The following ESRP1 variants were observed in gnomAD, a reference collection of about 807,000 sequenced individuals.
The protein encoded by ESRP1 is RNA-binding motif protein 35A.
Under a neutral mutation model 81.7 loss-of-function variants are expected in ESRP1, and 33 were observed. The observed-to-expected ratio is 0.40, with a 90% CI of 0.31 to 0.54. ESRP1 has a LOEUF of 0.54. ESRP1 is among the 20% of genes least tolerant of loss of function. ESRP1 has a pLI of 0.41. For synonymous variants in ESRP1, 320 were observed against 303.3 expected (o/e 1.06, Z -0.57); for missense variants, 672 against 833.1 (o/e 0.81, Z 2.38).
At chr8:94,656,897 A>C (rs989131672) in intron 4 of ESRP1, among the ~76,000 whole-genome samples, 1 of 152,248 alleles carries the variant, frequency 6.6e-6, no homozygotes, top group East Asian at 1.9e-4. Flanking sequence ...CTGAAACCAG[A>C]TGTGACCATT....
chr8:94,661,086 G>C (rs1392523531), intron 4 of ESRP1, among the ~76,000 whole-genome samples: 1 of 152,166 alleles, frequency 6.6e-6, no homozygotes, highest in Admixed American at 6.5e-5. Flanking sequence ...TCTCGCCCAG[G>C]CTGGAGTGCA....
chr8:94,699,344 T>TA (rs1809725410), intron 15 of ESRP1, among the ~76,000 whole-genome samples: 1 of 152,148 alleles, frequency 6.6e-6, no homozygotes, highest in Non-Finnish European at 1.5e-5. Context: ...TGCAAATTTT[T>TA]AAAAATACAG....
chr8:94,665,050 G>T lies in ESRP1; in HGVS notation c.879G>T (p.Arg293=). 1 of 1,613,736 alleles carries T rather than the reference G, an allele frequency of 6.2e-7. No homozygotes were observed. Among genetic ancestry groups the T allele is most frequent in the Non-Finnish European group, 8.5e-7 (1 of 1,179,846 alleles). Residue 293 remains arginine (R), a synonymous_variant, in exon 8 of 16, where the codon CGG becomes CGT. Coordinates refer to ENST00000433389, the MANE Select transcript of ESRP1 (RefSeq NM_017697.4). The stretch of plus-strand genomic sequence containing the variant: ...GGCACAAACATCACATGGGGACCCG[G>T]TATATTGAGGTATGTCCTCAAAACC... ...LQRHKHHMGT[R]YIEVYKATGE...
rs1249380191 is a variant in ESRP1 at position 94,692,733 on chromosome 8, G to T, written c.1877G>T (p.Gly626Val). The T allele has an allele frequency of 4.3e-6, 7 of 1,613,776 alleles. No homozygotes were observed. Among genetic ancestry groups the T allele is most frequent in the African/African-American group, 2.7e-5 (2 of 74,910 alleles). ...GYFPTAANLSGVPPQPGTVVR... is the reference protein window; with the variant it reads ...GYFPTAANLSVVPPQPGTVVR... ...TTCCCTACAGCTGCTAATCTTAGCG[G>T]TGTCCCTCCACAGCCTGGCACGGTG... is the stretch of plus-strand genomic sequence containing the variant. Residue 626 changes from glycine (G) to valine (V), a missense_variant, in exon 14 of 16, where the codon GGT (glycine) becomes GTT (valine). By Grantham distance (109) the Gly-to-Val change is moderately radical (BLOSUM62 -3). Coordinates refer to ENST00000433389, the MANE Select transcript of ESRP1 (RefSeq NM_017697.4).
intron 13 of ESRP1, among the ~76,000 whole-genome samples, chr8:94,682,319 C>T (rs553102798): frequency 5.9e-5 from 9 of 152,170 alleles, no homozygotes; most frequent in Non-Finnish European, 1.3e-4. Flanking sequence ...ACCTTCTATG[C>T]ATCTCTTGCT....
At chr8:94,705,618 C>A in intron 15 of ESRP1, 1 of 252,944 alleles carries the variant, frequency 4.0e-6, no homozygotes, top group East Asian at 7.3e-5. Flanking sequence ...CAGAAAGGAG[C>A]TGAGCTGAGC....
At chr8:94,660,529 A>G (rs1053757530) in intron 4 of ESRP1, among the ~76,000 whole-genome samples, 1 of 152,014 alleles carries the variant, frequency 6.6e-6, no homozygotes, top group African/African-American at 2.4e-5. Flanking sequence ...AGCTGAGGTC[A>G]GGAGTTCGAG....
chr8:94,682,928 A>ATTTTTTTTTTTTTTTTTTTTTTTTT (rs1238740355), intron 13 of ESRP1, among the ~76,000 whole-genome samples: 1 of 31,572 alleles, frequency 3.2e-5, no homozygotes, highest in African/African-American at 2.2e-4. Context: ...ATATATATAT[A>ATTTTTTTTTTTTTTTTTTTTTTTTT]TATATTTTTT....
At position 94,641,216 on chromosome 8, in the gene ESRP1, T is replaced by C; in HGVS notation, c.-103T>C. On this transcript the variant is annotated 5_prime_UTR_variant, in exon 1 of 16. Coordinates refer to ENST00000433389, the MANE Select transcript of ESRP1 (RefSeq NM_017697.4). Reference sequence around the variant, plus strand: ...GCAAGGAAGGGGGGTGGGCGCTCTTTCTTTTTCTCTTAGAAGAGGGTTTAG... The same window carrying C: ...GCAAGGAAGGGGGGTGGGCGCTCTTCCTTTTTCTCTTAGAAGAGGGTTTAG... The C allele has an allele frequency of 8.5e-7, 1 of 1,179,910 alleles. No individual in the cohort carries two copies. The allele number at this position is 1,179,910 out of a possible 1,614,324, so 73.1% of individuals were successfully genotyped here. A position where few individuals can be genotyped will look rare whatever the true frequency, so the allele number is the denominator to read the frequency against.
intron 9 of ESRP1, among the ~76,000 whole-genome samples, chr8:94,666,009 A>G (rs919198353): frequency 6.6e-6 from 1 of 152,202 alleles, no homozygotes. Flanking sequence ...TTATCCAGTT[A>G]TTTAGTGATT....
At chr8:94,677,492 ATTTAATC>A (rs1039998996) in intron 12 of ESRP1, among the ~76,000 whole-genome samples, 1 of 152,194 alleles carries the variant, frequency 6.6e-6, no homozygotes, top group African/African-American at 2.4e-5. Context: ...CCATTTTTTA[ATTTAATC>A]TGAGCCAGCT....
intron 4 of ESRP1, among the ~76,000 whole-genome samples, chr8:94,660,709 CAAAAAAAAAAAAAAAAAAAA>C (rs60316449): frequency 1.4e-4 from 6 of 43,534 alleles, no homozygotes; most frequent in Admixed American, 3.8e-4. Context: ...GAGACTATCT[CAAAAAAAAAAAAAAAAAAAA>C]AAAAAAAAAA....
At chr8:94,672,841 T>C (rs1217265683) in intron 11 of ESRP1, among the ~76,000 whole-genome samples, 1 of 152,274 alleles carries the variant, frequency 6.6e-6, no homozygotes, top group Non-Finnish European at 1.5e-5. Flanking sequence ...CCTGGGACTC[T>C]TAATTAAATG....
At chr8:94,642,344 G>C (rs764422602) in intron 2 of ESRP1, among the ~76,000 whole-genome samples, 6 of 152,228 alleles carry the variant, frequency 3.9e-5, no homozygotes, top group Non-Finnish European at 5.9e-5. Flanking sequence ...ACTGGAGCCG[G>C]AGAGTCAGCT....
Position 94,641,310 on chromosome 8 carries a change from C to G in ESRP1, c.-9C>G. The G allele has an allele frequency of 8.1e-6, 13 of 1,612,614 alleles. No homozygotes were observed. The highest frequency in any genetic ancestry group is 1.1e-5 in the Non-Finnish European group (13 of 1,179,416). ...CCGACCCCCCCTCTCCCCCTCCCCA[C>G]CTATCGTCATGACGGCCTCTCCGGA... On this transcript the variant is annotated 5_prime_UTR_variant, in exon 1 of 16. Coordinates refer to ENST00000433389, the MANE Select transcript of ESRP1 (RefSeq NM_017697.4).
chr8:94,681,539 A>T (rs1808885338), intron 13 of ESRP1, among the ~76,000 whole-genome samples: 1 of 152,022 alleles, frequency 6.6e-6, no homozygotes, highest in South Asian at 2.1e-4. Flanking sequence ...AGGGAGGCTA[A>T]GGCAAGAGAG....
chr8:94,646,475 T>C, intron 4 of ESRP1, 193 bp downstream of exon 4: 1 of 472,998 alleles, frequency 2.1e-6, no homozygotes, highest in Non-Finnish European at 3.7e-6. Context: ...AATCAGATGG[T>C]TGGACGGATT....
intron 4 of ESRP1, among the ~76,000 whole-genome samples, chr8:94,659,651 T>C (rs758871105): frequency 2.0e-5 from 3 of 152,238 alleles, no homozygotes; most frequent in African/African-American, 4.8e-5. Flanking sequence ...AGCCAGGCCT[T>C]ATGCACCAAA....
chr8:94,659,690 T>G (rs1053801124), intron 4 of ESRP1, among the ~76,000 whole-genome samples: 1 of 152,172 alleles, frequency 6.6e-6, no homozygotes, highest in African/African-American at 2.4e-5. Flanking sequence ...AAAGGAAAAT[T>G]TCTTGAATAT....
Sources: allele counts gnomAD v4.1 joint callset (sites outside exome capture counted in the v4.1 genomes callset), GRCh38; gene constraint gnomAD v4.1.1; transcripts MANE v1.5; gene names NCBI Gene and HGNC (gene_info 2026-07-23, HGNC 2026-07-21).